CACNA1B: variants seen among roughly 807,000 people sequenced by gnomAD.
CACNA1B encodes voltage-dependent N-type calcium channel subunit alpha-1B.
A neutral mutation model predicts 247.2 loss-of-function variants in CACNA1B; 70 were observed. That is an observed-to-expected ratio of 0.28 (90% CI 0.23 to 0.35). CACNA1B has a LOEUF of 0.35. Among genes scored for constraint, CACNA1B ranks in the 10% least tolerant of loss-of-function variants. CACNA1B has a pLI of 1.00. For missense variants in CACNA1B, 2,367 were observed against 3,197.4 expected, an observed-to-expected ratio of 0.74 and a Z score of 6.26; for synonymous variants, 1,231 against 1,294.4, an observed-to-expected ratio of 0.95 and a Z score of 1.05.
chr9:137,947,380 T>G (rs1202310723), intron 6 of CACNA1B, among the ~76,000 whole-genome samples: 1 of 152,148 alleles, frequency 6.6e-6, no homozygotes, highest in Non-Finnish European at 1.5e-5. Flanking sequence ...GATTCAGTTC[T>G]AGGAAGTCAG....
chr9:138,120,038 G>A, intron 44 of CACNA1B, 127 bp from the exon 45 acceptor site: 1 of 799,624 alleles, frequency 1.3e-6, no homozygotes. Flanking sequence ...GGGTCCTTCT[G>A]ACTGTGAGAC....
intron 15 of CACNA1B, among the ~76,000 whole-genome samples, chr9:138,004,654 A>G (rs1958624816): frequency 6.6e-6 from 1 of 152,116 alleles, no homozygotes; most frequent in Non-Finnish European, 1.5e-5. Flanking sequence ...GTGCATGTTT[A>G]GCACGTATGC....
At position 138,120,853 on chromosome 9, in the gene CACNA1B, C is replaced by G; in HGVS notation, c.6461C>G (p.Ala2154Gly). 6.4e-7 allele frequency: 1 copy of G among 1,573,122 alleles called. No homozygotes were observed. The highest frequency in any genetic ancestry group is 1.4e-5 in the African/African-American group (1 of 73,880). ...SLSSHPTSPT[A>G]GQEPGPHPQG... ...AGCAGCCACCCAACGTCGCCAACAGCTGGCCAGGAGCCGGGACCCCACCCA... is the reference window on the plus strand; with the variant it reads ...AGCAGCCACCCAACGTCGCCAACAGGTGGCCAGGAGCCGGGACCCCACCCA... The change falls in exon 46 of 47, where the codon GCT becomes GGT. Residue 2154 changes from alanine to glycine, a missense_variant. Physicochemically the swap from Ala to Gly is moderately conservative, Grantham distance 60. Coordinates refer to ENST00000371372, the MANE Select transcript of CACNA1B (RefSeq NM_000718.4).
chr9:138,099,753 T>C (rs939195144), intron 37 of CACNA1B, among the ~76,000 whole-genome samples: 1 of 152,230 alleles, frequency 6.6e-6, no homozygotes, highest in African/African-American at 2.4e-5. Flanking sequence ...CATGTGCCTG[T>C]GTCGGTGGAT....
Position 138,050,011 on chromosome 9 carries a change from G to A in CACNA1B, c.3710+696G>A. The stretch of plus-strand genomic sequence containing the variant: ...AGGGTCCACATCTCTCTGAGCGGCT[G>A]GGAGGGCTGCTCCTGGTGCCACTGA... On this transcript the variant is annotated intron_variant, in intron 24 of 46. Coordinates refer to ENST00000371372, the MANE Select transcript of CACNA1B (RefSeq NM_000718.4). This position sits in a 1 kb window ranked among gnomAD's most constrained non-coding sequence, Gnocchi z 5.2. The A allele has an allele frequency of 8.2e-7, 1 of 1,220,100 alleles. No homozygotes were observed. Among genetic ancestry groups the A allele is most frequent in the Non-Finnish European group, 1.1e-6 (1 of 925,388 alleles). 75.6% of individuals were successfully genotyped at this position (1,220,100 alleles called of 1,614,324 possible). A position where few individuals can be genotyped will look rare whatever the true frequency, so the allele number is the denominator to read the frequency against.
At chr9:138,093,256 C>T (rs1960938249) in intron 36 of CACNA1B, among the ~76,000 whole-genome samples, 1 of 151,774 alleles carries the variant, frequency 6.6e-6, no homozygotes, top group African/African-American at 2.4e-5. Context: ...CCTGTCTCTA[C>T]TAAAAATACA....
chr9:137,979,295 T>A (rs565516421), intron 12 of CACNA1B, among the ~76,000 whole-genome samples: 1 of 152,310 alleles, frequency 6.6e-6, no homozygotes, highest in South Asian at 2.1e-4. Flanking sequence ...TGACTGGCAC[T>A]GGAGAATCTG....
intron 20 of CACNA1B, among the ~76,000 whole-genome samples, chr9:138,038,046 T>A (rs989667885): frequency 2.0e-5 from 3 of 152,244 alleles, no homozygotes; most frequent in Non-Finnish European, 4.4e-5. Flanking sequence ...AACAAGGTAC[T>A]TGGTTCATTC....
intron 18 of CACNA1B, among the ~76,000 whole-genome samples, chr9:138,021,611 G>C (rs1958846365): frequency 6.6e-6 from 1 of 152,252 alleles, no homozygotes; most frequent in Non-Finnish European, 1.5e-5. Context: ...TGCAGTTGGG[G>C]TCTGGCCAAG....
At chr9:137,902,718 G>A (rs2133260971) in intron 3 of CACNA1B, among the ~76,000 whole-genome samples, 1 of 152,246 alleles carries the variant, frequency 6.6e-6, no homozygotes, top group South Asian at 2.1e-4. Context: ...CGGTGTGTAG[G>A]TTTTTAAATA....
intron 3 of CACNA1B, among the ~76,000 whole-genome samples, chr9:137,906,699 G>A (rs926922247): frequency 1.3e-5 from 2 of 151,822 alleles, no homozygotes; most frequent in Non-Finnish European, 1.5e-5. Flanking sequence ...TTTAACATAT[G>A]TGTTTCTCTT....
At chr9:138,098,536 A>T (rs552082419) in intron 37 of CACNA1B, among the ~76,000 whole-genome samples, 1 of 152,298 alleles carries the variant, frequency 6.6e-6, no homozygotes, top group Admixed American at 6.5e-5. Context: ...TGAGAGGATG[A>T]CAACATTCCC....
chr9:137,879,672 C>G (rs1242618418), intron 2 of CACNA1B, among the ~76,000 whole-genome samples: 1 of 152,194 alleles, frequency 6.6e-6, no homozygotes, highest in Non-Finnish European at 1.5e-5. Context: ...CTCAAACATT[C>G]TGAATCATTT....
chr9:137,948,340 C>T (rs1957822462), intron 6 of CACNA1B, among the ~76,000 whole-genome samples: 1 of 152,130 alleles, frequency 6.6e-6, no homozygotes, highest in South Asian at 2.1e-4. Flanking sequence ...GCTCTGATGA[C>T]ATGAATATCA....
intron 6 of CACNA1B, among the ~76,000 whole-genome samples, chr9:137,918,632 G>C (rs1215596490): frequency 6.6e-6 from 1 of 152,182 alleles, no homozygotes; most frequent in Non-Finnish European, 1.5e-5. Context: ...CAGCAGCTGT[G>C]CTCATGAGGG....
chr9:137,896,199 A>G (rs1197180314), intron 3 of CACNA1B, among the ~76,000 whole-genome samples: 1 of 147,220 alleles, frequency 6.8e-6, no homozygotes, highest in Non-Finnish European at 1.5e-5. Context: ...AGATTGCACC[A>G]CTGCAGTCCA....
At position 137,889,060 on chromosome 9, in the gene CACNA1B, G is replaced by A. The variant is rs1304808655; in HGVS notation, c.530+6177G>A. 4.0e-5 allele frequency among the ~76,000 whole-genome samples: 6 copies of A among 150,392 alleles called. 1 individual carries two copies. On this transcript the variant is annotated intron_variant, in intron 3 of 46. Transcript: ENST00000371372. ...CAGAGACGCTGCCTTCCCGCAAGGC[G>A]ACCTGACGCTGTGTCTGAACACAGG...
chr9:138,109,787 A>G (rs1052877081), intron 39 of CACNA1B, among the ~76,000 whole-genome samples: 1 of 152,208 alleles, frequency 6.6e-6, no homozygotes, highest in African/African-American at 2.4e-5. Flanking sequence ...AGAAAACACA[A>G]GGCCAGGCGT....
At chr9:137,961,974 C>T (rs1249309998) in intron 10 of CACNA1B, among the ~76,000 whole-genome samples, 1 of 152,010 alleles carries the variant, frequency 6.6e-6, no homozygotes, top group Non-Finnish European at 1.5e-5. Flanking sequence ...ATCTTTGTAC[C>T]TCTGGGAGAA....
Sources: gnomAD v4.1 joint callset for allele counts (sites outside exome capture counted in the v4.1 genomes callset) on GRCh38, gnomAD v4.1.1 for gene constraint, Gnocchi (gnomAD v3.1) non-coding constraint, MANE v1.5 for transcripts, NCBI Gene and HGNC (gene_info 2026-07-23, HGNC 2026-07-21) for gene names.